EXOC6B: variants seen among roughly 807,000 people sequenced by gnomAD.
EXOC6B encodes exocyst complex component 6B, also known as SEC15 homolog B.
Under a neutral mutation model 113.5 loss-of-function variants are expected in EXOC6B, and 54 were observed. The observed-to-expected ratio is 0.48, with a 90% CI of 0.38 to 0.60. The LOEUF (loss-of-function observed/expected upper bound fraction) is 0.60, where lower values mean the gene tolerates loss of function less well. EXOC6B is among the 20% of genes least tolerant of loss of function. The pLI is 0.00. For synonymous variants in EXOC6B, 357 were observed against 339.0 expected (o/e 1.05, Z -0.58); for missense variants, 797 against 977.5 (o/e 0.82, Z 2.46).
intron 1 of EXOC6B, among the ~76,000 whole-genome samples, chr2:72,747,370 T>G (rs1348471596): frequency 6.6e-6 from 1 of 152,034 alleles, no homozygotes; most frequent in Non-Finnish European, 1.5e-5. Context: ...AAACTGCTTT[T>G]CCTGCCTTAG....
At chr2:72,603,520 C>G (rs1453907244) in intron 6 of EXOC6B, among the ~76,000 whole-genome samples, 3 of 152,246 alleles carry the variant, frequency 2.0e-5, no homozygotes, top group South Asian at 2.1e-4. Flanking sequence ...CAGGAGGGAA[C>G]AGAGCAATCC....
At chr2:72,486,096 G>A (rs906474422) in intron 16 of EXOC6B, among the ~76,000 whole-genome samples, 11 of 152,086 alleles carry the variant, frequency 7.2e-5, no homozygotes, top group South Asian at 2.1e-4. Flanking sequence ...ATGGCTGAGC[G>A]CAGTGGCTCA....
intron 11 of EXOC6B, among the ~76,000 whole-genome samples, chr2:72,505,893 T>C (rs114618681): frequency 0.018 from 2,745 of 152,280 alleles, 36 homozygotes; most frequent in Non-Finnish European, 0.029. Context: ...CTGAAATGAC[T>C]ATATATTTTT....
intron 17 of EXOC6B, among the ~76,000 whole-genome samples, chr2:72,472,040 A>G (rs1698445030): frequency 1.3e-5 from 2 of 152,042 alleles, no homozygotes; most frequent in Admixed American, 1.3e-4. Flanking sequence ...ATTTGCATAT[A>G]CTAAACCATC....
intron 20 of EXOC6B, among the ~76,000 whole-genome samples, chr2:72,320,776 C>A (rs1233574822): frequency 6.6e-6 from 1 of 152,080 alleles, no homozygotes; most frequent in Non-Finnish European, 1.5e-5. Flanking sequence ...TTGAAAGATA[C>A]TGTTAAGGAA....
chr2:72,237,213 A>G (rs1207228261), intron 20 of EXOC6B, among the ~76,000 whole-genome samples: 1 of 151,914 alleles, frequency 6.6e-6, no homozygotes, highest in African/African-American at 2.4e-5. Flanking sequence ...AAAACATTAA[A>G]CTCCTGAAGT....
At chr2:72,646,887 C>G (rs903688998) in intron 6 of EXOC6B, among the ~76,000 whole-genome samples, 14 of 152,012 alleles carry the variant, frequency 9.2e-5, no homozygotes, top group South Asian at 4.1e-4. Context: ...TTGAAAACTG[C>G]CACAAGACAG....
intron 1 of EXOC6B, among the ~76,000 whole-genome samples, chr2:72,759,826 A>G (rs1682638768): frequency 6.6e-6 from 1 of 152,148 alleles, no homozygotes; most frequent in African/African-American, 2.4e-5. Flanking sequence ...AAAGCCACCA[A>G]CCTCACTTCC....
At chr2:72,550,453 A>G (rs1007975713) in intron 8 of EXOC6B, among the ~76,000 whole-genome samples, 1 of 152,212 alleles carries the variant, frequency 6.6e-6, no homozygotes, top group South Asian at 2.1e-4. Context: ...ATAAACATAC[A>G]TTCTCCAGAA....
chr2:72,290,524 A>G (rs1685715831), intron 20 of EXOC6B, among the ~76,000 whole-genome samples: 1 of 152,126 alleles, frequency 6.6e-6, no homozygotes, highest in Admixed American at 6.6e-5. Flanking sequence ...ACATAAAAAT[A>G]TACTTAGTCT....
intron 18 of EXOC6B, chr2:72,462,861 T>A (rs1004287124): frequency 6.6e-6 from 1 of 152,166 alleles, no homozygotes; most frequent in African/African-American, 2.4e-5. Context: ...ACCCAATTCC[T>A]GTTGTCAATG....
At chr2:72,801,614 T>C (rs1685274747) in intron 1 of EXOC6B, among the ~76,000 whole-genome samples, 1 of 152,162 alleles carries the variant, frequency 6.6e-6, no homozygotes, top group Non-Finnish European at 1.5e-5. Context: ...AGGTGCTTTC[T>C]GTAACATGAA....
intron 20 of EXOC6B, among the ~76,000 whole-genome samples, chr2:72,236,728 T>C (rs1310405941): frequency 6.6e-6 from 1 of 152,082 alleles, no homozygotes; most frequent in Non-Finnish European, 1.5e-5. Flanking sequence ...TTTGATTTAA[T>C]TGTCATCTTG....
intron 18 of EXOC6B, among the ~76,000 whole-genome samples, chr2:72,405,988 A>C (rs1693727556): frequency 6.6e-6 from 1 of 152,234 alleles, no homozygotes; most frequent in South Asian, 2.1e-4. Context: ...GATAGGCTCA[A>C]AATAAAGGGA....
At chr2:72,205,452 C>T (rs1356056082) in intron 20 of EXOC6B, among the ~76,000 whole-genome samples, 2 of 152,020 alleles carry the variant, frequency 1.3e-5, no homozygotes. Flanking sequence ...AAGGCCTGTG[C>T]TGACCATGAA....
At chr2:72,193,161 T>C (rs1305131610) in intron 20 of EXOC6B, among the ~76,000 whole-genome samples, 4 of 152,210 alleles carry the variant, frequency 2.6e-5, no homozygotes, top group African/African-American at 9.6e-5. Context: ...GTTCCAAGGC[T>C]GAGGGTCCTC....
intron 6 of EXOC6B, among the ~76,000 whole-genome samples, chr2:72,648,589 A>G (rs1673921147): frequency 6.6e-6 from 1 of 152,238 alleles, no homozygotes; most frequent in African/African-American, 2.4e-5. Flanking sequence ...ACCACAGAAT[A>G]CTATGCACTC....
chr2:72,742,712 C>T (rs1445307022), intron 1 of EXOC6B, among the ~76,000 whole-genome samples: 3 of 152,182 alleles, frequency 2.0e-5, no homozygotes, highest in African/African-American at 7.2e-5. Context: ...ATTCTCAGCT[C>T]CTCCTCCTCT....
At chr2:72,529,409 T>C (rs1187787094) in intron 8 of EXOC6B, among the ~76,000 whole-genome samples, 8 of 152,216 alleles carry the variant, frequency 5.3e-5, no homozygotes, top group Admixed American at 5.2e-4. Flanking sequence ...TTACAAGGAA[T>C]ATTAATCTGT....
Sources: allele counts gnomAD v4.1 joint callset (sites outside exome capture counted in the v4.1 genomes callset), GRCh38; gene constraint gnomAD v4.1.1; transcripts MANE v1.5; gene names NCBI Gene and HGNC (gene_info 2026-07-23, HGNC 2026-07-21).